CFAP161: variants seen among roughly 807,000 people sequenced by gnomAD.
CFAP161 encodes cilia- and flagella-associated protein 161.
CFAP161 carries 25 observed loss-of-function variants against 29.0 expected under a neutral mutation model. The observed-to-expected ratio is 0.86, with a 90% confidence interval of 0.63 to 1.20. The LOEUF is 1.20. Ranked by LOEUF, CFAP161 falls within the 50% of genes most tolerant of loss-of-function variation. The pLI is 0.00. For missense variants in CFAP161, 367 were observed against 371.9 expected (o/e 0.99, Z 0.11); for synonymous variants, 116 against 137.4 (o/e 0.84, Z 1.09).
chr15:81,099,437 G>C (rs984124893), intron 1 of CFAP161: 4 of 152,268 alleles, frequency 2.6e-5, no homozygotes, highest in Non-Finnish European at 5.9e-5. Context: ...ATTCCTGCCA[G>C]ACTTCCAGTA....
intron 1 of CFAP161, among the ~76,000 whole-genome samples, chr15:81,107,515 C>G (rs151169795): frequency 0.01 from 1,526 of 152,226 alleles, 29 homozygotes; most frequent in African/African-American, 0.036. Context: ...CACCTGAGGT[C>G]GGGACTTTGA....
intron 1 of CFAP161, among the ~76,000 whole-genome samples, chr15:81,117,074 C>T (rs1894507838): frequency 6.6e-6 from 1 of 152,064 alleles, no homozygotes; most frequent in South Asian, 2.1e-4. Flanking sequence ...CTTGGACCTG[C>T]CAGGAAGTGA....
At chr15:81,121,008 A>G (rs1037942501) in intron 1 of CFAP161, among the ~76,000 whole-genome samples, 3 of 152,236 alleles carry the variant, frequency 2.0e-5, no homozygotes, top group African/African-American at 4.8e-5. Flanking sequence ...TTGTTTTTAC[A>G]TGGAGAACCA....
intron 4 of CFAP161, among the ~76,000 whole-genome samples, chr15:81,143,159 A>C (rs570733227): frequency 6.6e-5 from 10 of 152,204 alleles, no homozygotes; most frequent in African/African-American, 2.4e-4. Context: ...ACAAATAAAA[A>C]AAAATCAGCT....
At chr15:81,142,359 C>G (rs1894925790) in intron 4 of CFAP161, among the ~76,000 whole-genome samples, 1 of 151,950 alleles carries the variant, frequency 6.6e-6, no homozygotes, top group South Asian at 2.1e-4. Context: ...CTGGTCACCC[C>G]CATCCTCACT....
intron 1 of CFAP161, among the ~76,000 whole-genome samples, chr15:81,105,138 CCCCTCCCTCCCTCCCTCCCTCCCTTCCTT>C: frequency 3.9e-5 from 1 of 25,882 alleles, no homozygotes; most frequent in Non-Finnish European, 8.1e-5. Flanking sequence ...TCTCCCCCCT[CCCCTCCCTCCCTCCCTCCCTCCCTTCCTT>C]CCTCCCTCCC....
intron 1 of CFAP161, among the ~76,000 whole-genome samples, chr15:81,105,413 A>G (rs1281547592): frequency 8.4e-6 from 1 of 119,638 alleles, no homozygotes; most frequent in African/African-American, 3.3e-5. Context: ...TTCTTCCCTC[A>G]CTCCTTCTCT....
chr15:81,118,342 C>G (rs1288825453), intron 1 of CFAP161: 4 of 393,710 alleles, frequency 1.0e-5, no homozygotes, highest in African/African-American at 8.6e-5. Flanking sequence ...TTCTCGAACC[C>G]TCTTTAAACA....
In CFAP161 at chr15:81,110,902, G is replaced by C. The variant is rs189139178; in HGVS notation, c.-141-16688G>C. Among the ~76,000 whole-genome samples the C allele has an allele frequency of 1.5e-3, 233 of 152,264 alleles. 1 individual carries two copies. Among genetic ancestry groups the C allele is most frequent in the African/African-American group, 5.1e-3 (211 of 41,548 alleles). On this transcript the variant is annotated intron_variant, in intron 1 of 4. Coordinates refer to the CFAP161 transcript ENST00000560091. Reference sequence around the variant, plus strand: ...GTTGGTGTGATATTCTTTCCCCCAGGGGTCTGCTAGAAGCTGAAGGCAAAA... The same window carrying C: ...GTTGGTGTGATATTCTTTCCCCCAGCGGTCTGCTAGAAGCTGAAGGCAAAA...
At chr15:81,133,024 T>TA (rs1894732444), upstream of CFAP161, among the ~76,000 whole-genome samples, 1 of 151,660 alleles carries the variant, frequency 6.6e-6, no homozygotes, top group Non-Finnish European at 1.5e-5. Flanking sequence ...GGAATGTTCC[T>TA]ATTTTTATTC....
chr15:81,125,387 T>C (rs1465061168), intron 1 of CFAP161, among the ~76,000 whole-genome samples: 2 of 152,150 alleles, frequency 1.3e-5, no homozygotes, highest in Non-Finnish European at 2.9e-5. Context: ...AATATTAAAG[T>C]CTTATTTGTC....
Position 81,136,573 on chromosome 15 carries a change from G to T in CFAP161, c.217G>T (p.Val73Leu). The T allele has an allele frequency of 6.2e-7, 1 of 1,614,194 alleles. No homozygotes were observed. Residue 73 changes from valine to leucine, a missense_variant, in exon 3 of 7, where the codon GTG becomes TTG. Val to Leu is a conservative substitution (Grantham distance 32). Coordinates refer to ENST00000286732, the MANE Select transcript of CFAP161 (RefSeq NM_173528.4). ...YIHYGDKVMLVNPDDPDTEAD... is the reference protein window; with the variant it reads ...YIHYGDKVMLLNPDDPDTEAD... ...TCATTACGGTGACAAAGTGATGCTTGTGAATCCTGATGATCCTGACACAGA... is the reference window on the plus strand; with the variant it reads ...TCATTACGGTGACAAAGTGATGCTTTTGAATCCTGATGATCCTGACACAGA...
rs1175163438 is a variant in CFAP161, at chr15:81,148,644, C to G, written c.*111C>G. Reference sequence around the variant, plus strand: ...AGCTATTTTTGAATCAGATGTGGGACTCTCTGGGCACTATATTAAAATAAA... The same window carrying G: ...AGCTATTTTTGAATCAGATGTGGGAGTCTCTGGGCACTATATTAAAATAAA... On this transcript the variant is annotated 3_prime_UTR_variant, in exon 7 of 7. Transcript: ENST00000286732. 3 of 963,214 alleles carry G rather than the reference C, an allele frequency of 3.1e-6. No homozygotes were observed. Among genetic ancestry groups the G allele is most frequent in the Admixed American group, 2.7e-5 (1 of 37,592 alleles). The allele number at this position is 963,214 out of a possible 1,614,324, so 59.7% of individuals were successfully genotyped here. A position where few individuals can be genotyped will look rare whatever the true frequency, so the allele number is the denominator to read the frequency against.
chr15:81,109,241 A>T (rs1167563822), intron 1 of CFAP161, among the ~76,000 whole-genome samples: 1 of 152,206 alleles, frequency 6.6e-6, no homozygotes, highest in Non-Finnish European at 1.5e-5. Flanking sequence ...TGACTGGTCC[A>T]CTATTGCTTT....
intron 5 of CFAP161, among the ~76,000 whole-genome samples, chr15:81,146,619 C>T (rs911298875): frequency 6.6e-6 from 1 of 151,442 alleles, no homozygotes; most frequent in Non-Finnish European, 1.5e-5. Context: ...AATATATATA[C>T]AGTCATGTGT....
chr15:81,111,286 G>T (rs1157342950), intron 1 of CFAP161, among the ~76,000 whole-genome samples: 4 of 152,232 alleles, frequency 2.6e-5, no homozygotes, highest in Non-Finnish European at 5.9e-5. Context: ...CACAGTGCTT[G>T]ACGCACAGTG....
chr15:81,105,865 G>A (rs2141860641), intron 1 of CFAP161, among the ~76,000 whole-genome samples: 1 of 152,312 alleles, frequency 6.6e-6, no homozygotes, highest in East Asian at 1.9e-4. Context: ...GATGGTCCCA[G>A]GAGTGTGAAA....
At chr15:81,120,902 A>G (rs567319294) in intron 1 of CFAP161, among the ~76,000 whole-genome samples, 1 of 152,376 alleles carries the variant, frequency 6.6e-6, no homozygotes, top group African/African-American at 2.4e-5. Context: ...AACTGTCTGT[A>G]GTTTAGAAGA....
chr15:81,136,073 A>G (rs540838480), intron 2 of CFAP161, among the ~76,000 whole-genome samples: 6 of 152,382 alleles, frequency 3.9e-5, no homozygotes, highest in African/African-American at 1.4e-4. Context: ...AAAATTTCAT[A>G]ACTGAGTTAC....
Sources: gnomAD v4.1 joint callset for allele counts (sites outside exome capture counted in the v4.1 genomes callset) on GRCh38, gnomAD v4.1.1 for gene constraint, MANE v1.5 for transcripts, NCBI Gene and HGNC (gene_info 2026-07-23, HGNC 2026-07-21) for gene names.